ATG4C: variants seen among roughly 807,000 people sequenced by gnomAD.
ATG4C encodes the protein cysteine protease ATG4C.
In ATG4C, 56 loss-of-function variants were observed where a neutral mutation model predicts 57.6. The ratio of observed to expected loss-of-function variants is 0.97; its 90% confidence interval spans 0.78 to 1.21. The LOEUF (loss-of-function observed/expected upper bound fraction) is 1.21, where lower values mean the gene tolerates loss of function less well. Among genes scored for constraint, ATG4C ranks in the 50% most tolerant of loss-of-function variants. The pLI is 0.00. For synonymous variants in ATG4C, 157 were observed against 174.1 expected (o/e 0.90, Z 0.78); for missense variants, 595 against 529.8 (o/e 1.12, Z -1.21).
intron 1 of ATG4C, among the ~76,000 whole-genome samples, chr1:62,786,791 C>A (rs745907028): frequency 6.6e-6 from 1 of 152,038 alleles, no homozygotes; most frequent in Non-Finnish European, 1.5e-5. Context: ...TTTAAAGTTA[C>A]AACTGTGGTA....
At chr1:62,807,231 C>T (rs998458744) in intron 3 of ATG4C, among the ~76,000 whole-genome samples, 1 of 152,032 alleles carries the variant, frequency 6.6e-6, no homozygotes, top group African/African-American at 2.4e-5. Context: ...ATATCCTGAG[C>T]GGTAGGGGTG....
chr1:62,816,523 A>G (rs1665275531), intron 3 of ATG4C, 52 bp from the exon 4 acceptor site: 1 of 1,263,082 alleles, frequency 7.9e-7, no homozygotes, highest in Admixed American at 2.4e-5. Flanking sequence ...AATGTTTGTT[A>G]CCATTATAGA....
chr1:62,828,892 T>G (rs1572141920), intron 6 of ATG4C, 148 bp from the exon 7 acceptor site: 2 of 642,074 alleles, frequency 3.1e-6, no homozygotes. Flanking sequence ...ATCCTAGTGG[T>G]ATTTTTAACT....
intron 1 of ATG4C, among the ~76,000 whole-genome samples, chr1:62,789,902 A>G (rs571608884): frequency 1.3e-5 from 2 of 151,952 alleles, no homozygotes; most frequent in South Asian, 4.2e-4. Context: ...GACCCTTTAA[A>G]TGGACACACA....
intron 10 of ATG4C, among the ~76,000 whole-genome samples, chr1:62,850,848 A>ATATGTATG (rs1666485800): frequency 2.7e-5 from 1 of 37,672 alleles, no homozygotes; most frequent in Non-Finnish European, 5.0e-5. Flanking sequence ...ATGTGTGTGT[A>ATATGTATG]TGTATGTATA....
chr1:62,834,155 TTTTAA>T, intron 8 of ATG4C, 39 bp downstream of exon 8: 1 of 1,581,992 alleles, frequency 6.3e-7, no homozygotes. Context: ...CATTGTTTTC[TTTTAA>T]AAGTCAGAAA....
intron 3 of ATG4C, among the ~76,000 whole-genome samples, chr1:62,812,719 A>G (rs1189134386): frequency 2.0e-5 from 3 of 152,074 alleles, no homozygotes; most frequent in East Asian, 3.9e-4. Flanking sequence ...TATTTAGAAA[A>G]CCCTGTTGTC....
Position 62,864,205 on chromosome 1 carries a change from G to A in ATG4C, c.*46G>A, listed in dbSNP as rs1553231874. 1 of 1,447,212 alleles carries A rather than the reference G, an allele frequency of 6.9e-7. No homozygotes were observed. The highest frequency in any genetic ancestry group is 9.3e-7 in the Non-Finnish European group (1 of 1,070,666). The allele number at this position is 1,447,212 out of a possible 1,614,324, so 89.6% of individuals were successfully genotyped here. A position where few individuals can be genotyped will look rare whatever the true frequency, so the allele number is the denominator to read the frequency against. ...GATAAGAAGAATTCCATTGAAAGGG[G>A]AAAAATGAAGAGAAACAAGTATATC... On this transcript the variant is annotated 3_prime_UTR_variant, in exon 11 of 11. Coordinates refer to ENST00000317868, the MANE Select transcript of ATG4C (RefSeq NM_032852.4).
At chr1:62,834,965 C>A in intron 9 of ATG4C, 113 bp downstream of exon 9, 2 of 780,792 alleles carry the variant, frequency 2.6e-6, no homozygotes, top group African/African-American at 1.8e-5. Context: ...GGTTAATAAT[C>A]AATATTTTAC....
At chr1:62,832,612 ATGCAAGC>A (rs1335253500) in intron 7 of ATG4C, among the ~76,000 whole-genome samples, 1 of 152,142 alleles carries the variant, frequency 6.6e-6, no homozygotes, top group Non-Finnish European at 1.5e-5. Flanking sequence ...CCTGATATTC[ATGCAAGC>A]TCTGCCCTCA....
chr1:62,823,693 A>G (rs1665558911), intron 6 of ATG4C, among the ~76,000 whole-genome samples: 1 of 152,148 alleles, frequency 6.6e-6, no homozygotes, highest in Non-Finnish European at 1.5e-5. Context: ...TCACCTTCTA[A>G]CTATCTTCCA....
chr1:62,807,955 C>G (rs1384454576), intron 3 of ATG4C, among the ~76,000 whole-genome samples: 1 of 152,122 alleles, frequency 6.6e-6, no homozygotes, highest in Non-Finnish European at 1.5e-5. Context: ...TCTGTGCTAA[C>G]TTCAGGTAGT....
At chr1:62,843,017 C>G (rs1411531493) in intron 10 of ATG4C, among the ~76,000 whole-genome samples, 1 of 151,954 alleles carries the variant, frequency 6.6e-6, no homozygotes, top group African/African-American at 2.4e-5. Context: ...TGTTGATGAA[C>G]ATTTTCCATT....
intron 1 of ATG4C, among the ~76,000 whole-genome samples, chr1:62,799,837 G>A (rs909801356): frequency 6.7e-5 from 10 of 150,374 alleles, no homozygotes; most frequent in African/African-American, 2.4e-4. Flanking sequence ...ATCCCCCGTT[G>A]TGCTATCAAA....
intron 1 of ATG4C, among the ~76,000 whole-genome samples, chr1:62,796,240 TTAAAC>T (rs1664462992): frequency 1.3e-5 from 2 of 148,512 alleles, no homozygotes; most frequent in African/African-American, 5.0e-5. Context: ...TCATTTGTAG[TTAAAC>T]TAAAGGTACT....
At chr1:62,838,358 T>G (rs1454194442) in intron 9 of ATG4C, among the ~76,000 whole-genome samples, 1 of 152,184 alleles carries the variant, frequency 6.6e-6, no homozygotes, top group Non-Finnish European at 1.5e-5. Flanking sequence ...AGCTCAAAAA[T>G]TATCACGAAG....
intron 3 of ATG4C, among the ~76,000 whole-genome samples, chr1:62,815,324 C>T (rs1304682494): frequency 6.6e-6 from 1 of 151,966 alleles, no homozygotes; most frequent in Non-Finnish European, 1.5e-5. Flanking sequence ...GTATACATCT[C>T]TGACTTATCA....
intron 1 of ATG4C, among the ~76,000 whole-genome samples, chr1:62,789,558 A>T (rs1355480388): frequency 6.6e-6 from 1 of 152,196 alleles, no homozygotes; most frequent in Non-Finnish European, 1.5e-5. Flanking sequence ...TCATGCCTGT[A>T]ATCCCAGCAC....
intron 3 of ATG4C, among the ~76,000 whole-genome samples, chr1:62,808,904 T>C (rs1301835342): frequency 6.6e-6 from 1 of 152,160 alleles, no homozygotes; most frequent in Non-Finnish European, 1.5e-5. Context: ...ATAGAATGAA[T>C]GGTTATGATA....
Sources: allele counts gnomAD v4.1 joint callset (sites outside exome capture counted in the v4.1 genomes callset), GRCh38; gene constraint gnomAD v4.1.1; transcripts MANE v1.5; gene names NCBI Gene and HGNC (gene_info 2026-07-23, HGNC 2026-07-21).